EEF1A2: variants seen among roughly 807,000 people sequenced by gnomAD.
EEF1A2 encodes the protein eukaryotic translation elongation factor 1 alpha 2.
EEF1A2 carries 5 observed loss-of-function variants against 39.3 expected under a neutral mutation model. The ratio of observed to expected loss-of-function variants is 0.13; its 90% confidence interval spans 0.07 to 0.27. EEF1A2 has a LOEUF of 0.27. EEF1A2 is among the 10% of genes least tolerant of loss of function. The probability of loss-of-function intolerance (pLI) is 1.00; values close to 1 mark genes in which losing one functional copy is unlikely to be tolerated. For synonymous variants in EEF1A2, 287 were observed against 293.7 expected (o/e 0.98, Z 0.23); for missense variants, 218 against 681.4 (o/e 0.32, Z 7.57).
At chr20:63,495,462 G>A (rs1276475937) in intron 3 of EEF1A2, among the ~76,000 whole-genome samples, 1 of 152,208 alleles carries the variant, frequency 6.6e-6, no homozygotes, top group Non-Finnish European at 1.5e-5. Flanking sequence ...AGGGTGCTGT[G>A]TCTGGGGTGT....
chr20:63,492,884 CGATG>C (rs966616047), intron 5 of EEF1A2, among the ~76,000 whole-genome samples: 4 of 33,950 alleles, frequency 1.2e-4, no homozygotes, highest in Non-Finnish European at 2.4e-4. Context: ...ATGGATGGAT[CGATG>C]GATGGATGGA....
rs2082363745 is a variant in EEF1A2, at chr20:63,488,565, C to A, written c.1265-140G>T. On this transcript the variant is annotated intron_variant, in intron 7 of 7. Transcript: ENST00000217182. The stretch of plus-strand genomic sequence containing the variant: ...AGCGCAGAGCGCGCCCCTGTGAAGA[C>A]GGCCGGCCTCGCGGGAGTCCTGCCT... 5 of 1,183,388 alleles carry A rather than the reference C, an allele frequency of 4.2e-6. No individual in the cohort carries two copies. The South Asian group carries it at 7.5e-5, about 18-fold the overall frequency. 73.3% of individuals were successfully genotyped at this position (1,183,388 alleles called of 1,614,324 possible).
chr20:63,488,283 G>A lies in EEF1A2; in HGVS notation c.*15C>T, dbSNP rs1348255545. 6.5e-6 allele frequency: 8 copies of A among 1,228,504 alleles called. No homozygotes were observed. Among genetic ancestry groups the A allele is most frequent in the Admixed American group, 3.4e-5 (1 of 29,366 alleles). 76.1% of individuals were successfully genotyped at this position (1,228,504 alleles called of 1,614,324 possible). On this transcript the variant is annotated 3_prime_UTR_variant, in exon 8 of 8. Coordinates refer to ENST00000217182, the MANE Select transcript of EEF1A2 (RefSeq NM_001958.5). ...CGGCACCGCCGGGGAGGGTCGCGCC[G>A]CGGGCGCCCGCGCTTCACTTGCCCG...
In EEF1A2 at chr20:63,496,073, G is replaced by A. The variant is rs139997641; in HGVS notation, c.145-38C>T. 543 of 1,607,280 alleles carry A rather than the reference G, an allele frequency of 3.4e-4. 5 individuals are homozygous for A. Among genetic ancestry groups the A allele is most frequent in the Middle Eastern group, 2.7e-3 (16 of 6,032 alleles). On this transcript the variant is annotated intron_variant, in intron 2 of 7. Transcript: ENST00000217182. ...AGGGTCACGGCTGAGGGCGGGACCC[G>A]GGACCCAGGAGTCCCTGGTGGTGCG...
intron 7 of EEF1A2, 100 bp downstream of exon 7, chr20:63,488,802 TCCGCAGGAAAGGGGGC>T (rs1021527421): frequency 1.7e-6 from 2 of 1,155,318 alleles, no homozygotes; most frequent in African/African-American, 3.1e-5. Context: ...TGGGCCAAGC[TCCGCAGGAAAGGGGGC>T]CCACTGCTGT....
chr20:63,489,784 A>G (rs1045700498), intron 6 of EEF1A2, among the ~76,000 whole-genome samples: 1 of 152,140 alleles, frequency 6.6e-6, no homozygotes, highest in Non-Finnish European at 1.5e-5. Flanking sequence ...CTCCGTCTCA[A>G]AAAAAAAATA....
Position 63,498,200 on chromosome 20 carries a change from G to A in EEF1A2, c.-71-366C>T. ...TGAGTCACCTGCCCAGCGCTCCAGGGCCCTGTCCTGCACGCGCACTCCCCT... is the reference window on the plus strand; with the variant it reads ...TGAGTCACCTGCCCAGCGCTCCAGGACCCTGTCCTGCACGCGCACTCCCCT... On this transcript the variant is annotated intron_variant, in intron 1 of 7. Coordinates refer to ENST00000217182, the MANE Select transcript of EEF1A2 (RefSeq NM_001958.5). The surrounding 1 kb of genome is among the most constrained non-coding windows in gnomAD (Gnocchi z 4.1). The A allele has an allele frequency of 6.5e-6, 1 of 154,940 alleles. No homozygotes were observed. Among genetic ancestry groups the A allele is most frequent in the Non-Finnish European group, 1.4e-5 (1 of 69,920 alleles). 9.6% of individuals were successfully genotyped at this position (154,940 alleles called of 1,614,324 possible). A position where few individuals can be genotyped will look rare whatever the true frequency, so the allele number is the denominator to read the frequency against.
intron 5 of EEF1A2, among the ~76,000 whole-genome samples, chr20:63,492,548 GGATAGAGAGAAGGATGGATGGGT>G (rs2082392898): frequency 3.6e-5 from 5 of 138,536 alleles, no homozygotes; most frequent in East Asian, 2.2e-4. Flanking sequence ...ATGGATGGAT[GGATAGAGAGAAGGATGGATGGGT>G]GGGACAATGG....
chr20:63,489,919 A>G (rs1352681560), intron 6 of EEF1A2, among the ~76,000 whole-genome samples: 2 of 152,232 alleles, frequency 1.3e-5, no homozygotes, highest in Non-Finnish European at 2.9e-5. Flanking sequence ...TAGGACCTCA[A>G]AGGCTGGGCA....
At chr20:63,496,225 A>G in intron 2 of EEF1A2, 190 bp from the exon 3 acceptor site, 1 of 669,314 alleles carries the variant, frequency 1.5e-6, no homozygotes, top group Non-Finnish European at 2.5e-6. Context: ...CCTGCCCCCC[A>G]GGGCCGGCCT....
At chr20:63,496,226 G>T (rs917169900) in intron 2 of EEF1A2, 191 bp from the exon 3 acceptor site, 25 of 671,698 alleles carry the variant, frequency 3.7e-5, no homozygotes, top group African/African-American at 3.1e-4. Flanking sequence ...CTGCCCCCCA[G>T]GGCCGGCCTC....
chr20:63,489,097 T>C lies in EEF1A2; in HGVS notation c.1085A>G (p.Asp362Gly). The change falls in exon 7 of 8, where the codon GAC becomes GGC. Residue 362 changes from aspartate to glycine, a missense_variant. Coordinates refer to ENST00000217182, the MANE Select transcript of EEF1A2 (RefSeq NM_001958.5). ...GCAGGCGATGTGGGCTGTGTGGCAG[T>C]CGATGACCGGGGAGTAGCCGGCGCT... ...QISAGYSPVIDCHTAHIACKF... is the reference protein window; with the variant it reads ...QISAGYSPVIGCHTAHIACKF... 1 of 1,612,764 alleles carries C rather than the reference T, an allele frequency of 6.2e-7. No individual in the cohort carries two copies. Among genetic ancestry groups the C allele is most frequent in the Non-Finnish European group, 8.5e-7 (1 of 1,179,920 alleles).
intron 3 of EEF1A2, 32 bp downstream of exon 3, chr20:63,495,824 T>TC: frequency 6.2e-7 from 1 of 1,607,658 alleles, no homozygotes. Context: ...CAGCGGCCTC[T>TC]CCCCCAGCCC....
chr20:63,494,829 G>C lies in EEF1A2; in HGVS notation c.597C>G (p.Asp199Glu). 1 of 1,611,860 alleles carries C rather than the reference G, an allele frequency of 6.2e-7. No homozygotes were observed. The highest frequency in any genetic ancestry group is 8.5e-7 in the Non-Finnish European group (1 of 1,179,470). Residue 199 changes from aspartate to glutamate, a missense_variant, in exon 4 of 8, where the codon GAC becomes GAG. By Grantham distance (45) the Asp-to-Glu change is conservative. Around this residue, in one of 4 missense-constraint regions of EEF1A2, gnomAD observed 79 missense variants for 172.3 expected, o/e 0.46. Transcript: ENST00000217182. ...CGTTGGGGGAGGGCTCCAGCATGTT[G>C]TCACCGTGCCAGCCGGAGATGGGCA... The part of the protein sequence containing the change: ...PFVPISGWHG[D>E]NMLEPSPNMP...
intron 5 of EEF1A2, among the ~76,000 whole-genome samples, chr20:63,492,444 C>G (rs2082390395): frequency 1.6e-4 from 2 of 12,616 alleles, no homozygotes; most frequent in African/African-American, 3.2e-4. Flanking sequence ...ATGGTTGAGA[C>G]AATGGATGGA....
rs553071731 is a variant in EEF1A2 at position 63,490,942 on chromosome 20, C to T, written c.773-207G>A. Reference sequence around the variant, plus strand: ...AGATTCCAAGGGAAGTGGGGGCTCTCCCACCCAGCTGGGGAAATAAGAGGC... The same window carrying T: ...AGATTCCAAGGGAAGTGGGGGCTCTTCCACCCAGCTGGGGAAATAAGAGGC... On this transcript the variant is annotated intron_variant, in intron 5 of 7. Transcript: ENST00000217182. Among the ~76,000 whole-genome samples the T allele has an allele frequency of 3.3e-5, 5 of 152,320 alleles. No homozygotes were observed. In the South Asian group the frequency reaches 1.0e-3, roughly 32 times the overall value.
At chr20:63,491,518 G>C (rs1217376188) in intron 5 of EEF1A2, among the ~76,000 whole-genome samples, 1 of 152,250 alleles carries the variant, frequency 6.6e-6, no homozygotes, top group Non-Finnish European at 1.5e-5. Flanking sequence ...AGTGCACACA[G>C]AGATGCCTGC....
chr20:63,488,847 G>C, intron 7 of EEF1A2, 71 bp downstream of exon 7: 1 of 1,521,294 alleles, frequency 6.6e-7, no homozygotes, highest in Admixed American at 1.8e-5. Flanking sequence ...CCCCATCCCC[G>C]CAGTCCTCTG....
chr20:63,495,319 C>T (rs1385863335), intron 3 of EEF1A2, among the ~76,000 whole-genome samples: 4 of 152,268 alleles, frequency 2.6e-5, no homozygotes, highest in African/African-American at 7.2e-5. Context: ...TCAGCCCTGG[C>T]TCCACCACCA....
Sources: gnomAD v4.1 joint callset for allele counts (sites outside exome capture counted in the v4.1 genomes callset) on GRCh38, gnomAD v4.1.1 for gene constraint, gnomAD v4.1.1 regional missense constraint, Gnocchi (gnomAD v3.1) non-coding constraint, MANE v1.5 for transcripts, NCBI Gene and HGNC (gene_info 2026-07-23, HGNC 2026-07-21) for gene names.